Variants in C3orf70 observed in about 807,000 individuals in gnomAD.
The protein encoded by C3orf70 is chromosome 3 open reading frame 70, also known as UPF0524 protein C3orf70.
C3orf70 carries 15 observed loss-of-function variants against 20.7 expected under a neutral mutation model. The observed-to-expected ratio is 0.72, with a 90% CI of 0.48 to 1.11. The LOEUF is 1.11. Among genes scored for constraint, C3orf70 ranks in the 50% most tolerant of loss-of-function variants. The pLI is 0.00. For missense variants in C3orf70, 332 were observed against 317.6 expected (o/e 1.05, Z -0.34); for synonymous variants, 161 against 125.7 (o/e 1.28, Z -1.88).
intron 1 of C3orf70, among the ~76,000 whole-genome samples, chr3:185,098,008 A>G (rs1715746614): frequency 6.6e-6 from 1 of 152,238 alleles, no homozygotes; most frequent in African/African-American, 2.4e-5. Context: ...ATTTCCATGC[A>G]TGATGGGGTT....
chr3:185,127,295 CTAAA>C (rs1716431245), intron 1 of C3orf70, among the ~76,000 whole-genome samples: 1 of 152,116 alleles, frequency 6.6e-6, no homozygotes, highest in Non-Finnish European at 1.5e-5. Context: ...TACTGAAAAA[CTAAA>C]TGTTGTTGCA....
At chr3:185,130,502 T>C (rs186720868) in intron 1 of C3orf70, among the ~76,000 whole-genome samples, 7 of 152,198 alleles carry the variant, frequency 4.6e-5, no homozygotes, top group Admixed American at 2.0e-4. Context: ...TTTAAAAGTA[T>C]ATACTCAGTG....
intron 1 of C3orf70, among the ~76,000 whole-genome samples, chr3:185,087,959 T>C (rs1238725977): frequency 6.6e-6 from 1 of 150,740 alleles, no homozygotes; most frequent in Non-Finnish European, 1.5e-5. Context: ...CTGCGCAGGC[T>C]GGAGGGCAAT....
At chr3:185,091,941 ATATATATATATATATATATATATT>A (rs1221012572) in intron 1 of C3orf70, among the ~76,000 whole-genome samples, 636 of 7,628 alleles carry the variant, frequency 0.083, 65 homozygotes, top group African/African-American at 0.21. Flanking sequence ...ATATATATAT[ATATATATATATATATATATATATT>A]TTTTTTTTTT....
intron 1 of C3orf70, among the ~76,000 whole-genome samples, chr3:185,106,025 A>G (rs1009628728): frequency 1.3e-5 from 2 of 151,958 alleles, no homozygotes; most frequent in Admixed American, 6.6e-5. Context: ...ATCCTTCTGC[A>G]CCCCCTCATT....
chr3:185,152,437 C>T (rs772346471), intron 1 of C3orf70, among the ~76,000 whole-genome samples, 191 bp downstream of exon 1: 18 of 152,164 alleles, frequency 1.2e-4, no homozygotes, highest in Non-Finnish European at 2.2e-4. Context: ...GTCAAGGCAG[C>T]GCCAACCCCA....
chr3:185,088,591 C>G (rs1022984744), intron 1 of C3orf70, among the ~76,000 whole-genome samples: 2 of 152,002 alleles, frequency 1.3e-5, no homozygotes, highest in Non-Finnish European at 2.9e-5. Flanking sequence ...TGATGACACA[C>G]CCTTTTTTGG....
intron 1 of C3orf70, among the ~76,000 whole-genome samples, chr3:185,129,864 C>T (rs1176405342): frequency 6.6e-6 from 1 of 152,148 alleles, no homozygotes; most frequent in East Asian, 1.9e-4. Flanking sequence ...AAAAGTAAAG[C>T]CTATATTACA....
rs116762710 is a variant in C3orf70, at chr3:185,133,437, A to G, written c.196+19191T>C. Among the ~76,000 whole-genome samples the G allele has an allele frequency of 9.5e-3, 1,441 of 152,346 alleles. 24 individuals are homozygous for G. Among genetic ancestry groups the G allele is most frequent in the African/African-American group, 0.032 (1,345 of 41,590 alleles). The stretch of plus-strand genomic sequence containing the variant: ...CAAACAAAATGCTCAGCAGTAAGAA[A>G]TTGGTTAAAAAACCTATTACACAGG... On this transcript the variant is annotated intron_variant, in intron 1 of 1. Coordinates refer to ENST00000335012, the MANE Select transcript of C3orf70 (RefSeq NM_001025266.3).
Position 185,083,230 on chromosome 3 carries a change from T to A in C3orf70, c.530A>T (p.Lys177Ile). The A allele has an allele frequency of 6.2e-7, 1 of 1,614,148 alleles. No homozygotes were observed. The highest frequency in any genetic ancestry group is 8.5e-7 in the Non-Finnish European group (1 of 1,180,032). ...TGAGGGAGAAGAGCAGTGATCTATT[T>A]TTGGTGTATTGCTCTCTTTTGAAAT... Reference protein sequence around the residue: ...ALISKESNTPKIDHCSSPSSS... With the variant: ...ALISKESNTPIIDHCSSPSSS... The change falls in exon 2 of 2, where the codon AAA becomes ATA. Residue 177 changes from lysine to isoleucine, a missense_variant. Physicochemically the swap from Lys to Ile is moderately radical, Grantham distance 102. Transcript: ENST00000335012.
intron 1 of C3orf70, among the ~76,000 whole-genome samples, chr3:185,151,943 T>C (rs533846786): frequency 2.0e-5 from 3 of 152,398 alleles, no homozygotes; most frequent in African/African-American, 7.2e-5. Flanking sequence ...CTAGCTTTTA[T>C]AAATTGGTTT....
At position 185,088,954 on chromosome 3, in the gene C3orf70, C is replaced by T. The variant is rs554934558; in HGVS notation, c.197-5391G>A. Among the ~76,000 whole-genome samples the T allele has an allele frequency of 2.0e-5, 3 of 152,102 alleles. No individual in the cohort carries two copies. The South Asian group carries it at 6.2e-4, about 32-fold the overall frequency. ...GGGATGAAATCACATCTTGTCAGAC[C>T]CAAACAAACTTAAGCCAGCAGAGCC... On this transcript the variant is annotated intron_variant, in intron 1 of 1. Coordinates refer to ENST00000335012, the MANE Select transcript of C3orf70 (RefSeq NM_001025266.3).
chr3:185,083,127 T>C lies in C3orf70; in HGVS notation c.633A>G (p.Ala211=). 2 of 1,614,210 alleles carry C rather than the reference T, an allele frequency of 1.2e-6. No homozygotes were observed. The highest frequency in any genetic ancestry group is 1.7e-6 in the Non-Finnish European group (2 of 1,180,026). ...TGTAATCTTCCTCTGAACTCAGTTC[T>C]GCTCCTTCTTCTGTGTCCTCGTCAC... is the stretch of plus-strand genomic sequence containing the variant. The part of the protein sequence containing the change: ...ESCDEDTEEG[A]ELSSEEDYSP... Residue 211 remains alanine (A), a synonymous_variant, in exon 2 of 2, where the codon GCA becomes GCG. Transcript: ENST00000335012.
chr3:185,083,112 C>G lies in C3orf70; in HGVS notation c.648G>C (p.Glu216Asp), dbSNP rs761448354. The change falls in exon 2 of 2, where the codon GAG becomes GAC. Residue 216 changes from glutamate (E) to aspartate (D), a missense_variant. Coordinates refer to ENST00000335012, the MANE Select transcript of C3orf70 (RefSeq NM_001025266.3). The part of the protein sequence containing the change: ...DTEEGAELSS[E>D]EDYSPESSWE... ...AGCTGCTCTCTGGACTGTAATCTTC[C>G]TCTGAACTCAGTTCTGCTCCTTCTT... The G allele has an allele frequency of 1.4e-5, 23 of 1,614,078 alleles. No individual in the cohort carries two copies. In the East Asian group the frequency reaches 2.0e-4, roughly 14 times the overall value.
At chr3:185,089,243 C>T (rs965556605) in intron 1 of C3orf70, among the ~76,000 whole-genome samples, 5 of 151,306 alleles carry the variant, frequency 3.3e-5, no homozygotes, top group African/African-American at 1.2e-4. Flanking sequence ...TGCTCCTTCT[C>T]CCTCATTTAT....
chr3:185,110,963 C>T (rs1716058936), intron 1 of C3orf70, among the ~76,000 whole-genome samples: 1 of 152,234 alleles, frequency 6.6e-6, no homozygotes, highest in Non-Finnish European at 1.5e-5. Flanking sequence ...TGATTTCCCA[C>T]TTCACACCTC....
At position 185,079,941 on chromosome 3, in the gene C3orf70, A is replaced by G. The variant is rs886116975; in HGVS notation, c.*3066T>C. 2.2e-4 allele frequency: 33 copies of G among 152,694 alleles called. No homozygotes were observed. Among genetic ancestry groups the G allele is most frequent in the African/African-American group, 7.2e-4 (30 of 41,468 alleles). 9.5% of individuals were successfully genotyped at this position (152,694 alleles called of 1,614,324 possible). On this transcript the variant is annotated 3_prime_UTR_variant, in exon 2 of 2. Coordinates refer to ENST00000335012, the MANE Select transcript of C3orf70 (RefSeq NM_001025266.3). ...TAAAGTGTCTGTAAGTACACAAATT[A>G]GCAACATAGTATCAGCGTTACAGAG...
At chr3:185,133,175 C>T (rs771282602) in intron 1 of C3orf70, among the ~76,000 whole-genome samples, 6 of 152,162 alleles carry the variant, frequency 3.9e-5, no homozygotes, top group African/African-American at 9.7e-5. Flanking sequence ...ACAATACACT[C>T]TGTTGGTGAA....
At chr3:185,090,071 C>G (rs1020395684) in intron 1 of C3orf70, among the ~76,000 whole-genome samples, 6 of 151,724 alleles carry the variant, frequency 4.0e-5, no homozygotes, top group African/African-American at 1.5e-4. Flanking sequence ...TTAGACTCAG[C>G]CTTGAGACAA....
Sources: allele counts gnomAD v4.1 joint callset (sites outside exome capture counted in the v4.1 genomes callset), GRCh38; gene constraint gnomAD v4.1.1; transcripts MANE v1.5; gene names NCBI Gene and HGNC (gene_info 2026-07-23, HGNC 2026-07-21).